Variants in GPSM2 observed in about 807,000 individuals in gnomAD.
GPSM2 encodes G protein signaling modulator 2.
GPSM2 carries 58 observed loss-of-function variants against 78.4 expected under a neutral mutation model. The ratio of observed to expected loss-of-function variants is 0.74; its 90% CI spans 0.60 to 0.92. The LOEUF is 0.92. Among genes scored for constraint, GPSM2 ranks in the 40% least tolerant of loss-of-function variants. The pLI, the probability that GPSM2 is intolerant of heterozygous loss-of-function variation, is 0.00. For synonymous variants in GPSM2, 224 were observed against 280.2 expected (o/e 0.80, Z 2.00); for missense variants, 700 against 815.5 (o/e 0.86, Z 1.73).
chr1:108,908,459 G>A (rs554359144), intron 10 of GPSM2, among the ~76,000 whole-genome samples: 1 of 151,952 alleles, frequency 6.6e-6, no homozygotes, highest in African/African-American at 2.4e-5. Flanking sequence ...CGAGGCACGT[G>A]GATCACGAGG....
intron 1 of GPSM2, among the ~76,000 whole-genome samples, chr1:108,879,125 A>G (rs1228755106): frequency 5.3e-5 from 8 of 152,228 alleles, no homozygotes; most frequent in Non-Finnish European, 1.2e-4. Flanking sequence ...TATAAATCAC[A>G]TTATATTTTC....
intron 14 of GPSM2, among the ~76,000 whole-genome samples, chr1:108,928,988 CA>C (rs58261746): frequency 0.29 from 30,318 of 104,420 alleles, 3,451 homozygotes; most frequent in East Asian, 0.43. Flanking sequence ...GAATCCGTCT[CA>C]AAAAAAAAAA....
intron 2 of GPSM2, among the ~76,000 whole-genome samples, chr1:108,892,952 A>G (rs947515083): frequency 2.0e-5 from 3 of 152,212 alleles, no homozygotes; most frequent in Non-Finnish European, 2.9e-5. Flanking sequence ...TTTCTAAGAT[A>G]GTCTCTCCTG....
chr1:108,920,726 T>C (rs1650642197), intron 12 of GPSM2, among the ~76,000 whole-genome samples: 1 of 152,102 alleles, frequency 6.6e-6, no homozygotes, highest in African/African-American at 2.4e-5. Context: ...ATGGGGTATA[T>C]AGAAATTCAG....
chr1:108,894,812 A>C (rs1648236918), intron 2 of GPSM2, among the ~76,000 whole-genome samples: 1 of 152,024 alleles, frequency 6.6e-6, no homozygotes, highest in African/African-American at 2.4e-5. Context: ...AATTGGCTAC[A>C]TATATCTGCT....
At chr1:108,906,630 C>T (rs1486441928) in intron 10 of GPSM2, among the ~76,000 whole-genome samples, 1 of 149,330 alleles carries the variant, frequency 6.7e-6, no homozygotes, top group African/African-American at 2.5e-5. Flanking sequence ...TAATCCCCAA[C>T]ACTTCAGGAG....
intron 14 of GPSM2, 145 bp downstream of exon 14, chr1:108,924,359 C>T (rs898594214): frequency 1.4e-6 from 1 of 712,614 alleles, no homozygotes; most frequent in Non-Finnish European, 2.6e-6. Context: ...TATTGAACAC[C>T]GATTATGTTT....
intron 2 of GPSM2, among the ~76,000 whole-genome samples, 196 bp from the exon 3 acceptor site, chr1:108,896,666 CAG>C (rs1485902346): frequency 2.0e-5 from 3 of 152,178 alleles, no homozygotes; most frequent in Non-Finnish European, 2.9e-5. Flanking sequence ...TGAGCAGGCT[CAG>C]AGAAATTCGA....
chr1:108,924,495 C>G, intron 14 of GPSM2: 1 of 455,042 alleles, frequency 2.2e-6, no homozygotes, highest in Non-Finnish European at 4.0e-6. Flanking sequence ...GGTAATTATG[C>G]TTGCTATGAA....
intron 12 of GPSM2, among the ~76,000 whole-genome samples, chr1:108,919,068 C>T (rs775035232): frequency 4.0e-5 from 6 of 151,732 alleles, no homozygotes; most frequent in Non-Finnish European, 7.4e-5. Flanking sequence ...AGTTCAGTGG[C>T]GCAATCTCAG....
chr1:108,913,974 CT>C (rs1332397186), intron 10 of GPSM2, among the ~76,000 whole-genome samples: 1 of 152,090 alleles, frequency 6.6e-6, no homozygotes, highest in Admixed American at 6.5e-5. Flanking sequence ...GGCCTACAGC[CT>C]TTTCCTTCTG....
Position 108,898,103 on chromosome 1 carries a change from T to C in GPSM2, c.557+2T>C, listed in dbSNP as rs758733242. On this transcript the variant is annotated splice_donor_variant, in intron 5 of 14. Coordinates refer to ENST00000264126, the MANE Select transcript of GPSM2 (RefSeq NM_013296.5). LOFTEE classifies it high-confidence loss of function. ...GCAGGCAGCCGTGGATTTTTATGAG[T>C]GAGTAGGGGCTGATATGGGCAGTCA... The C allele has an allele frequency of 1.2e-5, 19 of 1,613,408 alleles. No homozygotes were observed. The highest frequency in any genetic ancestry group is 1.6e-5 in the Non-Finnish European group (19 of 1,179,596).
At chr1:108,885,841 T>C (rs1647495557) in intron 2 of GPSM2, among the ~76,000 whole-genome samples, 1 of 152,210 alleles carries the variant, frequency 6.6e-6, no homozygotes, top group East Asian at 1.9e-4. Flanking sequence ...TTTTATGTAA[T>C]GCAAATATGT....
rs1287536342 is a variant in GPSM2 at position 108,929,896 on chromosome 1, T to G, written c.2011T>G (p.Leu671Val). 1.2e-6 allele frequency: 2 copies of G among 1,613,568 alleles called. No homozygotes were observed. The highest frequency in any genetic ancestry group is 4.5e-5 in the East Asian group (2 of 44,870). The change falls in exon 15 of 15, where the codon TTG (leucine) becomes GTG (valine). Residue 671 changes from leucine to valine, a missense_variant. Physicochemically the swap from Leu to Val is conservative, Grantham distance 32. Coordinates refer to ENST00000264126, the MANE Select transcript of GPSM2 (RefSeq NM_013296.5). ...GLKDFLQNNA[L>V]LEFKNSGKKS... The stretch of plus-strand genomic sequence containing the variant: ...AAAGGACTTTTTGCAAAATAATGCT[T>G]TGTTGGAGTTTAAAAATTCAGGGAA...
intron 2 of GPSM2, 39 bp from the exon 3 acceptor site, chr1:108,896,825 A>T (rs749508795): frequency 7.1e-7 from 1 of 1,400,724 alleles, no homozygotes; most frequent in South Asian, 1.2e-5. Context: ...ATGCAGCTGT[A>T]ATGTTATGTT....
At chr1:108,913,029 TAAAC>T (rs912067459) in intron 10 of GPSM2, among the ~76,000 whole-genome samples, 1 of 151,948 alleles carries the variant, frequency 6.6e-6, no homozygotes, top group Non-Finnish European at 1.5e-5. Context: ...ACTTATGAGG[TAAAC>T]AAAAATTACT....
intron 2 of GPSM2, among the ~76,000 whole-genome samples, chr1:108,893,229 A>G (rs1367347319): frequency 6.6e-6 from 1 of 152,224 alleles, no homozygotes; most frequent in Non-Finnish European, 1.5e-5. Context: ...TCTCAGTTTT[A>G]TATGAATATT....
intron 12 of GPSM2, among the ~76,000 whole-genome samples, chr1:108,919,792 A>G (rs1003213383): frequency 6.6e-6 from 1 of 152,222 alleles, no homozygotes; most frequent in African/African-American, 2.4e-5. Context: ...AATCAGTATC[A>G]GGGAAATCTC....
intron 11 of GPSM2, among the ~76,000 whole-genome samples, chr1:108,914,655 TA>T (rs1650039816): frequency 6.6e-6 from 1 of 152,178 alleles, no homozygotes; most frequent in Admixed American, 6.5e-5. Flanking sequence ...GAATAAGATA[TA>T]AGAAACGGGC....
Sources: gnomAD v4.1 joint callset for allele counts (sites outside exome capture counted in the v4.1 genomes callset) on GRCh38, gnomAD v4.1.1 for gene constraint, MANE v1.5 for transcripts, NCBI Gene and HGNC (gene_info 2026-07-23, HGNC 2026-07-21) for gene names.